Variants in PAWR observed in about 807,000 individuals in gnomAD.
PAWR encodes pro-apoptotic WT1 regulator.
Under a neutral mutation model 32.0 loss-of-function variants are expected in PAWR, and 23 were observed. The observed-to-expected ratio is 0.72, with a 90% confidence interval of 0.52 to 1.02. The LOEUF (loss-of-function observed/expected upper bound fraction) is 1.02. PAWR is among the 50% of genes least tolerant of loss of function. The probability of loss-of-function intolerance (pLI) is 0.00; values close to 1 mark genes in which losing one functional copy is unlikely to be tolerated. For missense variants in PAWR, 457 were observed against 437.7 expected (o/e 1.04, Z -0.39); for synonymous variants, 226 against 187.1 (o/e 1.21, Z -1.70).
At chr12:79,653,008 T>C (rs534677087) in intron 2 of PAWR, among the ~76,000 whole-genome samples, 1 of 152,342 alleles carries the variant, frequency 6.6e-6, no homozygotes, top group South Asian at 2.1e-4. Flanking sequence ...ATATTCCAAC[T>C]GTAAGAAATT....
intron 2 of PAWR, among the ~76,000 whole-genome samples, chr12:79,655,994 A>T (rs1325158150): frequency 6.6e-6 from 1 of 152,232 alleles, no homozygotes; most frequent in Non-Finnish European, 1.5e-5. Flanking sequence ...AATAGAGATA[A>T]GCAAATGTGG....
intron 2 of PAWR, among the ~76,000 whole-genome samples, chr12:79,627,607 T>G (rs1304126727): frequency 1.3e-5 from 2 of 152,146 alleles, no homozygotes; most frequent in African/African-American, 4.8e-5. Flanking sequence ...AGATCCCATT[T>G]GTCAATTTTG....
At chr12:79,621,990 C>T (rs1391451661) in intron 2 of PAWR, among the ~76,000 whole-genome samples, 1 of 152,060 alleles carries the variant, frequency 6.6e-6, no homozygotes, top group African/African-American at 2.4e-5. Context: ...CATGAGAACT[C>T]ACACCCCCTC....
chr12:79,685,190 C>T (rs1878625607), intron 2 of PAWR, among the ~76,000 whole-genome samples: 1 of 152,188 alleles, frequency 6.6e-6, no homozygotes, highest in African/African-American at 2.4e-5. Flanking sequence ...TGAGCTCAAA[C>T]ATTTAGGAAA....
chr12:79,608,073 G>GT (rs1874266988), intron 4 of PAWR, among the ~76,000 whole-genome samples: 1 of 151,384 alleles, frequency 6.6e-6, no homozygotes, highest in Admixed American at 6.6e-5. Flanking sequence ...AAATCATAAA[G>GT]TTCCATCTAG....
chr12:79,641,819 C>T (rs1009258265), intron 2 of PAWR, among the ~76,000 whole-genome samples: 1 of 126,432 alleles, frequency 7.9e-6, no homozygotes, highest in East Asian at 2.5e-4. Flanking sequence ...TGTACTCCAG[C>T]CTGGCAACCG....
In PAWR at chr12:79,587,852, A is replaced by G. The variant is rs542972199; in HGVS notation, c.*4755T>C. 1 of 152,138 alleles carries G rather than the reference A, an allele frequency of 6.6e-6. No homozygotes were observed. Among genetic ancestry groups the G allele is most frequent in the South Asian group, 2.1e-4 (1 of 4,824 alleles). The allele number at this position is 152,138 out of a possible 1,614,324, so 9.4% of individuals were successfully genotyped here. A position where few individuals can be genotyped will look rare whatever the true frequency, so the allele number is the denominator to read the frequency against. ...CTTTATACATGCAAATTGAAAGTGA[A>G]TCTATATTAAGTTGACTATTCCACA... On this transcript the variant is annotated 3_prime_UTR_variant, in exon 7 of 7. Coordinates refer to ENST00000328827, the MANE Select transcript of PAWR (RefSeq NM_002583.4).
intron 3 of PAWR, among the ~76,000 whole-genome samples, chr12:79,616,833 T>C (rs1172868657): frequency 6.6e-6 from 1 of 152,172 alleles, no homozygotes; most frequent in African/African-American, 2.4e-5. Context: ...ACATACTACG[T>C]TGGTACGAAA....
At chr12:79,610,995 A>T (rs544618406) in intron 4 of PAWR, among the ~76,000 whole-genome samples, 110 of 151,280 alleles carry the variant, frequency 7.3e-4, no homozygotes, top group African/African-American at 2.6e-3. Context: ...TGAGCACATA[A>T]CAGACTCAAG....
intron 2 of PAWR, among the ~76,000 whole-genome samples, chr12:79,683,941 A>G (rs1878564170): frequency 6.6e-6 from 1 of 152,190 alleles, no homozygotes. Flanking sequence ...AAAGGCTGAT[A>G]TTAAATTATT....
intron 2 of PAWR, among the ~76,000 whole-genome samples, chr12:79,689,295 A>G (rs1417607392): frequency 2.0e-5 from 3 of 152,234 alleles, no homozygotes; most frequent in Non-Finnish European, 4.4e-5. Flanking sequence ...GTTATTAAAC[A>G]TTGGTAAGAA....
chr12:79,619,188 G>A (rs1361492784), intron 3 of PAWR, among the ~76,000 whole-genome samples: 1 of 152,032 alleles, frequency 6.6e-6, no homozygotes, highest in Non-Finnish European at 1.5e-5. Flanking sequence ...TCTCGCCCAG[G>A]GCCTGAATCA....
Position 79,586,170 on chromosome 12 carries a change from C to A in PAWR, c.*6437G>T. The A allele has an allele frequency of 6.6e-6, 1 of 152,404 alleles. No individual in the cohort carries two copies. Among genetic ancestry groups the A allele is most frequent in the Non-Finnish European group, 1.5e-5 (1 of 68,026 alleles). 9.4% of individuals were successfully genotyped at this position (152,404 alleles called of 1,614,324 possible). ...CGTTTAATGTGTTATGGAAGGCTAACAGTTTTTCAGCTTTTCTCAATACTT... is the reference window on the plus strand; with the variant it reads ...CGTTTAATGTGTTATGGAAGGCTAAAAGTTTTTCAGCTTTTCTCAATACTT... On this transcript the variant is annotated 3_prime_UTR_variant, in exon 7 of 7. Transcript: ENST00000328827.
intron 2 of PAWR, among the ~76,000 whole-genome samples, chr12:79,657,595 T>C (rs1024179181): frequency 6.6e-6 from 1 of 151,806 alleles, no homozygotes; most frequent in African/African-American, 2.4e-5. Flanking sequence ...ACCGAGACCA[T>C]CTTGGCTAAC....
At chr12:79,673,122 T>C (rs1032090415) in intron 2 of PAWR, among the ~76,000 whole-genome samples, 3 of 152,128 alleles carry the variant, frequency 2.0e-5, no homozygotes, top group African/African-American at 7.2e-5. Context: ...CAGGCTGGAG[T>C]GCAGTGGTGT....
At chr12:79,645,488 G>A (rs1333823882) in intron 2 of PAWR, among the ~76,000 whole-genome samples, 2 of 152,110 alleles carry the variant, frequency 1.3e-5, no homozygotes, top group Non-Finnish European at 2.9e-5. Flanking sequence ...GGCCATTAGT[G>A]CTGTGTAAGG....
intron 4 of PAWR, among the ~76,000 whole-genome samples, chr12:79,608,970 A>G (rs1213276489): frequency 6.6e-6 from 1 of 152,114 alleles, no homozygotes; most frequent in Non-Finnish European, 1.5e-5. Flanking sequence ...ACTTGAGCTC[A>G]GGAGGTAAAG....
chr12:79,626,549 C>T (rs1040731251), intron 2 of PAWR, among the ~76,000 whole-genome samples: 18 of 151,270 alleles, frequency 1.2e-4, no homozygotes, highest in Non-Finnish European at 1.6e-4. Flanking sequence ...GTGAGCCACA[C>T]GCCCCGCCGA....
At chr12:79,682,730 A>C (rs999100291) in intron 2 of PAWR, among the ~76,000 whole-genome samples, 1 of 152,226 alleles carries the variant, frequency 6.6e-6, no homozygotes, top group Admixed American at 6.5e-5. Context: ...GCTGAGGCTC[A>C]ATTCTATACA....
Sources: gnomAD v4.1 joint callset for allele counts (sites outside exome capture counted in the v4.1 genomes callset) on GRCh38, gnomAD v4.1.1 for gene constraint, MANE v1.5 for transcripts, NCBI Gene and HGNC (gene_info 2026-07-23, HGNC 2026-07-21) for gene names.